Variants in BABAM2 observed in about 807,000 individuals in gnomAD.
BABAM2 encodes BRISC and BRCA1 A complex member 2.
Under a neutral mutation model 54.7 loss-of-function variants are expected in BABAM2, and 31 were observed. The ratio of observed to expected loss-of-function variants is 0.57; its 90% CI spans 0.43 to 0.77. The LOEUF is 0.77. Ranked by LOEUF, BABAM2 falls within the 30% of genes least tolerant of loss-of-function variation. The pLI, the probability that BABAM2 is intolerant of heterozygous loss-of-function variation, is 0.00. For synonymous variants in BABAM2, 167 were observed against 162.9 expected (o/e 1.03, Z -0.19); for missense variants, 364 against 455.8 (o/e 0.80, Z 1.83).
At chr2:28,049,160 A>G (rs946766579) in intron 6 of BABAM2, among the ~76,000 whole-genome samples, 10 of 152,304 alleles carry the variant, frequency 6.6e-5, no homozygotes, top group African/African-American at 2.2e-4. Flanking sequence ...TTGGTCACTT[A>G]AAATAGTAAG....
At chr2:28,064,904 G>A (rs1679183959) in intron 6 of BABAM2, among the ~76,000 whole-genome samples, 1 of 151,868 alleles carries the variant, frequency 6.6e-6, no homozygotes, top group Non-Finnish European at 1.5e-5. Flanking sequence ...TCGGGAGGCC[G>A]AGGCAGGAGA....
At chr2:28,214,534 A>G (rs1345821655) in intron 7 of BABAM2, among the ~76,000 whole-genome samples, 5 of 152,116 alleles carry the variant, frequency 3.3e-5, no homozygotes, top group African/African-American at 1.2e-4. Context: ...GTCTTACACA[A>G]ATAAGGGCCG....
chr2:28,116,516 T>G (rs1279145573), intron 6 of BABAM2, among the ~76,000 whole-genome samples: 1 of 152,242 alleles, frequency 6.6e-6, no homozygotes, highest in African/African-American at 2.4e-5. Flanking sequence ...CTGAGCCAAG[T>G]GACCTGCTGG....
intron 7 of BABAM2, among the ~76,000 whole-genome samples, chr2:28,207,203 T>C (rs2147974455): frequency 6.6e-6 from 1 of 152,192 alleles, no homozygotes; most frequent in South Asian, 2.1e-4. Flanking sequence ...ACAAAAATTA[T>C]TTAAAGCAAC....
chr2:28,166,698 G>A (rs756471171), intron 7 of BABAM2, among the ~76,000 whole-genome samples: 1 of 152,146 alleles, frequency 6.6e-6, no homozygotes, highest in African/African-American at 2.4e-5. Flanking sequence ...TGGGAGCCCC[G>A]CTCATGACAT....
At chr2:28,003,988 G>GT (rs1673764319) in intron 4 of BABAM2, among the ~76,000 whole-genome samples, 1 of 152,042 alleles carries the variant, frequency 6.6e-6, no homozygotes, top group Non-Finnish European at 1.5e-5. Flanking sequence ...TAGCAATGAG[G>GT]TTTTGTGCTT....
intron 2 of BABAM2, among the ~76,000 whole-genome samples, chr2:27,910,885 C>G (rs996885153): frequency 2.0e-5 from 3 of 152,128 alleles, no homozygotes; most frequent in Non-Finnish European, 2.9e-5. Flanking sequence ...ACCCAAATCT[C>G]TTCTTGAATT....
chr2:27,938,310 C>G (rs1339565790), intron 3 of BABAM2, among the ~76,000 whole-genome samples: 1 of 152,130 alleles, frequency 6.6e-6, no homozygotes, highest in East Asian at 1.9e-4. Context: ...ATGTAGTATT[C>G]TAATACAAAC....
intron 5 of BABAM2, among the ~76,000 whole-genome samples, chr2:28,029,965 G>T (rs1015535294): frequency 6.6e-6 from 1 of 152,110 alleles, no homozygotes; most frequent in African/African-American, 2.4e-5. Flanking sequence ...TTACATAAAT[G>T]GGTGTTAGGT....
At chr2:28,074,591 C>T (rs1381798437) in intron 6 of BABAM2, among the ~76,000 whole-genome samples, 2 of 151,874 alleles carry the variant, frequency 1.3e-5, no homozygotes, top group African/African-American at 4.8e-5. Context: ...TTCCCTAACC[C>T]CTATATGAGA....
chr2:28,033,116 T>A (rs929604408), intron 5 of BABAM2, among the ~76,000 whole-genome samples: 7 of 152,184 alleles, frequency 4.6e-5, no homozygotes, highest in African/African-American at 1.4e-4. Flanking sequence ...CGAATTCCCA[T>A]AATGTAAGAA....
intron 6 of BABAM2, among the ~76,000 whole-genome samples, chr2:28,049,008 A>G (rs962424197): frequency 5.9e-5 from 9 of 152,342 alleles, no homozygotes; most frequent in East Asian, 5.8e-4. Flanking sequence ...CTGTAAAACC[A>G]TACTCCATAG....
intron 6 of BABAM2, among the ~76,000 whole-genome samples, chr2:28,119,973 A>G (rs1668926552): frequency 6.6e-6 from 1 of 152,200 alleles, no homozygotes; most frequent in Non-Finnish European, 1.5e-5. Flanking sequence ...TTATTACAGG[A>G]AGGTTGATAT....
chr2:28,193,368 C>G (rs1468758219), intron 7 of BABAM2, among the ~76,000 whole-genome samples: 1 of 152,122 alleles, frequency 6.6e-6, no homozygotes, highest in African/African-American at 2.4e-5. Flanking sequence ...GGGCCCAACT[C>G]TGCCTTCACC....
At chr2:28,208,211 A>G (rs1166093534) in intron 7 of BABAM2, among the ~76,000 whole-genome samples, 1 of 152,220 alleles carries the variant, frequency 6.6e-6, no homozygotes, top group Non-Finnish European at 1.5e-5. Context: ...GCCTGGCTGC[A>G]GTCAGAGTGA....
intron 10 of BABAM2, among the ~76,000 whole-genome samples, chr2:28,277,365 A>G (rs1685967161): frequency 1.3e-5 from 2 of 152,112 alleles, no homozygotes; most frequent in Admixed American, 6.6e-5. Context: ...TCATCCTCCC[A>G]AAGTGCTGGG....
intron 7 of BABAM2, among the ~76,000 whole-genome samples, chr2:28,207,674 G>C (rs1181158777): frequency 6.7e-6 from 1 of 148,630 alleles, no homozygotes; most frequent in East Asian, 1.9e-4. Flanking sequence ...TGGTACTTGA[G>C]GGGAAAAAAA....
At chr2:28,011,628 C>G (rs1674405596) in intron 4 of BABAM2, among the ~76,000 whole-genome samples, 1 of 152,176 alleles carries the variant, frequency 6.6e-6, no homozygotes, top group South Asian at 2.1e-4. Flanking sequence ...GGGGCCTATT[C>G]TCACTAGGGA....
At chr2:28,127,784 A>G (rs1480838487) in intron 6 of BABAM2, among the ~76,000 whole-genome samples, 3 of 151,360 alleles carry the variant, frequency 2.0e-5, no homozygotes. Flanking sequence ...TGAAGATACA[A>G]TGTCAAGCTC....
Sources: allele counts gnomAD v4.1 joint callset (sites outside exome capture counted in the v4.1 genomes callset), GRCh38; gene constraint gnomAD v4.1.1; transcripts MANE v1.5; gene names NCBI Gene and HGNC (gene_info 2026-07-23, HGNC 2026-07-21).